Variants in PUDP observed in about 807,000 individuals in gnomAD.
PUDP encodes the protein pseudouridine 5'-phosphatase, also known as pseudouridine-5'-phosphatase.
In PUDP, 8 loss-of-function variants were observed where a neutral mutation model predicts 9.4. That is an observed-to-expected ratio of 0.85 (90% CI 0.50 to 1.53). The LOEUF (loss-of-function observed/expected upper bound fraction) is 1.53, where lower values mean the gene tolerates loss of function less well. PUDP is among the 40% of genes most tolerant of loss of function. The probability of loss-of-function intolerance (pLI) is 0.00; values close to 1 mark genes in which losing one functional copy is unlikely to be tolerated. For missense variants in PUDP, 188 were observed against 189.7 expected (o/e 0.99, Z 0.05); for synonymous variants, 99 against 80.7 (o/e 1.23, Z -1.22).
intron 1 of PUDP, among the ~76,000 whole-genome samples, chrX:6,986,927 G>A (rs911724854): frequency 2.7e-4 from 30 of 112,301 alleles, no homozygotes; most frequent in African/African-American, 9.1e-4. Flanking sequence ...TCTCAGACCT[G>A]TTAAGTTGCT....
At chrX:7,143,737 T>C (rs764403137) in intron 1 of PUDP, among the ~76,000 whole-genome samples, 29 of 112,183 alleles carry the variant, frequency 2.6e-4, no homozygotes, top group Non-Finnish European at 3.9e-4. Flanking sequence ...TGTCTTGTGC[T>C]TTCTATATTC....
At chrX:6,937,421 C>G (rs1323205584) in intron 3 of PUDP, among the ~76,000 whole-genome samples, 1 of 107,254 alleles carries the variant, frequency 9.3e-6, no homozygotes, top group Non-Finnish European at 1.9e-5. Context: ...GGAAAACTGG[C>G]TAGCCATATG....
intron 1 of PUDP, among the ~76,000 whole-genome samples, chrX:7,008,650 T>A (rs1929436000): frequency 8.9e-6 from 1 of 112,207 alleles, no homozygotes; most frequent in Non-Finnish European, 1.9e-5. Flanking sequence ...ATAGACATCA[T>A]TCAAATGGCA....
At chrX:7,117,495 A>G (rs1406364248) in intron 1 of PUDP, among the ~76,000 whole-genome samples, 1 of 112,823 alleles carries the variant, frequency 8.9e-6, no homozygotes, top group African/African-American at 3.2e-5. Flanking sequence ...ACAAATTTCT[A>G]AGCAGCAAAG....
At chrX:6,803,557 C>T (rs754223172) in intron 3 of PUDP, among the ~76,000 whole-genome samples, 2 of 112,344 alleles carry the variant, frequency 1.8e-5, no homozygotes, top group Admixed American at 1.9e-4. Context: ...TTAGTGACTG[C>T]AGAAGAAAAA....
chrX:7,008,007 A>G (rs1417054224), intron 1 of PUDP, among the ~76,000 whole-genome samples: 2 of 110,107 alleles, frequency 1.8e-5, no homozygotes, highest in Non-Finnish European at 3.8e-5. Flanking sequence ...TCTGTTGCCC[A>G]GGCTGGAGTG....
chrX:6,940,942 A>G (rs975166411), intron 3 of PUDP, among the ~76,000 whole-genome samples: 4 of 112,124 alleles, frequency 3.6e-5, no homozygotes, highest in Middle Eastern at 4.6e-3. Flanking sequence ...AAAACTGACA[A>G]AAACCTTATA....
Position 6,897,636 on chromosome X carries a change from T to A in PUDP, c.*247+79497A>T, listed in dbSNP as rs980747485. ...GCTGCTATAATGAAATACCATACACTAGGCAGTTTCTAAACAGCAGACATC... is the reference window on the plus strand; with the variant it reads ...GCTGCTATAATGAAATACCATACACAAGGCAGTTTCTAAACAGCAGACATC... On this transcript the variant is annotated intron_variant and NMD_transcript_variant, in intron 3 of 3. Transcript: ENST00000655425. Among the ~76,000 whole-genome samples the A allele has an allele frequency of 6.3e-5, 7 of 111,347 alleles. No homozygotes were observed. The South Asian group carries it at 2.3e-3, about 36-fold the overall frequency.
intron 3 of PUDP, among the ~76,000 whole-genome samples, chrX:6,792,643 C>T (rs376289158): frequency 2.6e-4 from 29 of 111,863 alleles, no homozygotes; most frequent in South Asian, 1.1e-3. Context: ...TAGATCCCAC[C>T]GCCTTTGTCC....
intron 3 of PUDP, among the ~76,000 whole-genome samples, chrX:6,960,030 G>A (rs975835422): frequency 2.7e-5 from 3 of 112,571 alleles, no homozygotes; most frequent in Non-Finnish European, 5.6e-5. Context: ...TCACAACTGA[G>A]AGAAATTTGC....
chrX:6,786,519 T>C lies in PUDP; in HGVS notation c.*248-80053A>G, dbSNP rs1925650597. Among the ~76,000 whole-genome samples the C allele has an allele frequency of 2.7e-5, 3 of 112,479 alleles. No individual in the cohort carries two copies. In the South Asian group the frequency reaches 1.1e-3, roughly 42 times the overall value. On this transcript the variant is annotated intron_variant and NMD_transcript_variant, in intron 3 of 3. Coordinates refer to the PUDP transcript ENST00000655425. The stretch of plus-strand genomic sequence containing the variant: ...TGTATGGAATCCCTCTTCTCTGCAA[T>C]AGCATCCACTCTTTCGGGGCATTGT...
chrX:7,114,631 C>T lies in PUDP; in HGVS notation c.62-8793G>A, dbSNP rs574419530. Among the ~76,000 whole-genome samples, 14 of 111,587 alleles carry T rather than the reference C, an allele frequency of 1.3e-4. No individual in the cohort carries two copies. In the South Asian group the frequency reaches 5.3e-3, roughly 42 times the overall value. On this transcript the variant is annotated intron_variant, in intron 1 of 3. Coordinates refer to ENST00000381077, the MANE Select transcript of PUDP (RefSeq NM_012080.5). ...TACCCCAGATCTACAGAATCAGAAG[C>T]TGGGGTGGGACCTAGCAATGTGTGT...
intron 2 of PUDP, among the ~76,000 whole-genome samples, chrX:7,090,448 A>T (rs2146881825): frequency 9.0e-6 from 1 of 111,599 alleles, no homozygotes; most frequent in African/African-American, 3.3e-5. Context: ...TGTGAAATTG[A>T]ATTCATATAA....
chrX:7,108,902 G>C (rs1237251404), intron 1 of PUDP, among the ~76,000 whole-genome samples: 1 of 111,766 alleles, frequency 8.9e-6, no homozygotes, highest in Non-Finnish European at 1.9e-5. Flanking sequence ...ACAAACCTCA[G>C]AACCTCCACC....
rs184447010 is a variant in PUDP at position 7,043,428 on chromosome X, C to T, written c.204+33792G>A. Among the ~76,000 whole-genome samples the T allele has an allele frequency of 1.0e-3, 117 of 111,828 alleles. 1 individual carries two copies. The highest frequency in any genetic ancestry group is 3.5e-3 in the African/African-American group (108 of 30,760). Reference sequence around the variant, plus strand: ...CTGTGCACACAGCAGCTCCCCTTCCCGTTCCACCATGAGTGGAAGCTCCCT... The same window carrying T: ...CTGTGCACACAGCAGCTCCCCTTCCTGTTCCACCATGAGTGGAAGCTCCCT... On this transcript the variant is annotated intron_variant and NMD_transcript_variant, in intron 1 of 3. Transcript: ENST00000655425.
intron 1 of PUDP, among the ~76,000 whole-genome samples, chrX:6,996,258 T>C (rs1929248448): frequency 8.9e-6 from 1 of 111,970 alleles, no homozygotes; most frequent in African/African-American, 3.2e-5. Flanking sequence ...TTGTGCAATA[T>C]GGAGAGAGGA....
intron 3 of PUDP, among the ~76,000 whole-genome samples, chrX:7,072,080 C>T (rs1172227274): frequency 8.9e-6 from 1 of 111,949 alleles, no homozygotes; most frequent in Non-Finnish European, 1.9e-5. Context: ...CATGAACCAC[C>T]ACCTGTAAGA....
At chrX:6,874,612 T>C (rs1212046651) in intron 3 of PUDP, among the ~76,000 whole-genome samples, 5 of 112,050 alleles carry the variant, frequency 4.5e-5, no homozygotes, top group Non-Finnish European at 7.5e-5. Context: ...AAGTGTGAAG[T>C]TGTACCATGC....
At chrX:6,879,800 G>C in intron 3 of PUDP, among the ~76,000 whole-genome samples, 1 of 111,500 alleles carries the variant, frequency 9.0e-6, no homozygotes, top group East Asian at 2.8e-4. Flanking sequence ...TGCCCAAGTT[G>C]CACTGAAGCT....
Sources: allele counts gnomAD v4.1 joint callset (sites outside exome capture counted in the v4.1 genomes callset), GRCh38; gene constraint gnomAD v4.1.1; transcripts MANE v1.5; gene names NCBI Gene and HGNC (gene_info 2026-07-23, HGNC 2026-07-21).